OPCML: variants seen among roughly 807,000 people sequenced by gnomAD.
OPCML encodes opioid-binding protein/cell adhesion molecule.
OPCML carries 13 observed loss-of-function variants against 37.8 expected under a neutral mutation model. The observed-to-expected ratio is 0.34, with a 90% CI of 0.22 to 0.55. OPCML has a LOEUF of 0.55. OPCML is among the 20% of genes least tolerant of loss of function. OPCML has a pLI of 0.91. For synonymous variants in OPCML, 176 were observed against 168.8 expected (o/e 1.04, Z -0.33); for missense variants, 341 against 435.6 (o/e 0.78, Z 1.93).
intron 2 of OPCML, among the ~76,000 whole-genome samples, chr11:132,941,109 C>T (rs1295222018): frequency 2.6e-5 from 4 of 152,054 alleles, no homozygotes; most frequent in Non-Finnish European, 5.9e-5. Context: ...GAACAAAAAG[C>T]AACTATTCAG....
chr11:133,056,828 G>A (rs945341697), intron 1 of OPCML, among the ~76,000 whole-genome samples: 2 of 152,138 alleles, frequency 1.3e-5, no homozygotes, highest in Non-Finnish European at 2.9e-5. Flanking sequence ...GAGACATTAG[G>A]TGGCTTACTT....
chr11:133,146,666 G>T (rs1949902193), intron 1 of OPCML, among the ~76,000 whole-genome samples: 1 of 151,934 alleles, frequency 6.6e-6, no homozygotes, highest in South Asian at 2.1e-4. Flanking sequence ...CACCATGTTG[G>T]CCAGGCTGGG....
At chr11:132,873,617 G>C (rs1942895646) in intron 2 of OPCML, among the ~76,000 whole-genome samples, 1 of 151,582 alleles carries the variant, frequency 6.6e-6, no homozygotes, top group African/African-American at 2.4e-5. Flanking sequence ...CAACAGAAGA[G>C]GAGTAAAGAG....
At chr11:133,045,881 C>T (rs1299843690) in intron 1 of OPCML, among the ~76,000 whole-genome samples, 1 of 152,174 alleles carries the variant, frequency 6.6e-6, no homozygotes, top group Non-Finnish European at 1.5e-5. Context: ...ACTGTGATGG[C>T]TCAATAGTCA....
rs1942163240 is a variant in OPCML, at chr11:132,858,597, GAGGAGAACTTTGGCTCAGGTATCAGAA to G, written c.146+84302_146+84328del. 2.0e-5 allele frequency among the ~76,000 whole-genome samples: 3 copies of G among 152,284 alleles called. No homozygotes were observed. In the South Asian group the frequency reaches 6.2e-4, roughly 32 times the overall value. ...AGAGGCCCCTTTCTTCCCGGGGGGTGAGGAGAACTTTGGCTCAGGTATCAGAAATCCCATCCAAGTCCTGACTCTGGT... is the reference window on the plus strand; with the variant it reads ...AGAGGCCCCTTTCTTCCCGGGGGGTGATCCCATCCAAGTCCTGACTCTGGT... On this transcript the variant is annotated intron_variant, in intron 2 of 7. Coordinates refer to ENST00000524381, the MANE Select transcript of OPCML (RefSeq NM_001012393.5).
intron 2 of OPCML, among the ~76,000 whole-genome samples, chr11:132,927,850 GT>G (rs1945050521): frequency 6.6e-6 from 1 of 152,066 alleles, no homozygotes; most frequent in African/African-American, 2.4e-5. Context: ...CAGGAGTAGA[GT>G]TTTTGTATGT....
intron 3 of OPCML, among the ~76,000 whole-genome samples, chr11:132,556,454 C>G (rs151186353): frequency 6.6e-6 from 1 of 152,242 alleles, no homozygotes; most frequent in Non-Finnish European, 1.5e-5. Flanking sequence ...GAATTTGCCT[C>G]ATGACACAAC....
intron 1 of OPCML, among the ~76,000 whole-genome samples, chr11:133,257,673 A>T (rs189489415): frequency 2.6e-5 from 4 of 152,258 alleles, no homozygotes; most frequent in Admixed American, 1.3e-4. Flanking sequence ...GTTGCAACGT[A>T]TCTTGTCTCC....
intron 1 of OPCML, chr11:133,118,330 C>T (rs1394502474): frequency 2.0e-6 from 2 of 985,200 alleles, no homozygotes; most frequent in Non-Finnish European, 2.4e-6. Flanking sequence ...AGTTCAGGGC[C>T]CAGGCTGGTG....
chr11:133,457,046 C>T (rs1337632677), intron 1 of OPCML, among the ~76,000 whole-genome samples: 1 of 152,032 alleles, frequency 6.6e-6, no homozygotes, highest in South Asian at 2.1e-4. Flanking sequence ...CCCAAAGAGA[C>T]CAACCCCAAG....
At chr11:132,631,944 C>T (rs1402782681) in intron 3 of OPCML, among the ~76,000 whole-genome samples, 1 of 151,954 alleles carries the variant, frequency 6.6e-6, no homozygotes, top group Non-Finnish European at 1.5e-5. Context: ...ATCTGTGAGA[C>T]CCTAAGGACC....
intron 2 of OPCML, among the ~76,000 whole-genome samples, chr11:132,739,364 G>T (rs1591539620): frequency 6.6e-6 from 1 of 152,110 alleles, no homozygotes; most frequent in East Asian, 1.9e-4. Flanking sequence ...TCTTTATTTT[G>T]TCCGTATAAT....
At chr11:132,976,244 G>A (rs1289549267) in intron 1 of OPCML, among the ~76,000 whole-genome samples, 4 of 152,132 alleles carry the variant, frequency 2.6e-5, no homozygotes, top group Non-Finnish European at 4.4e-5. Context: ...CTGTTCTTAC[G>A]AAGGGTGGAC....
rs112372471 is a variant in OPCML, at chr11:133,314,713, C to G, written c.61+217551G>C. 1.7e-3 allele frequency among the ~76,000 whole-genome samples: 260 copies of G among 152,322 alleles called. 7 individuals carry two copies. In the East Asian group the frequency reaches 0.048, roughly 28 times the overall value. Reference sequence around the variant, plus strand: ...CAGCCCTCGACTCAATGGTCTCCCCCACAGAACCATCAGGCACGCCTGGCC... The same window carrying G: ...CAGCCCTCGACTCAATGGTCTCCCCGACAGAACCATCAGGCACGCCTGGCC... On this transcript the variant is annotated intron_variant, in intron 1 of 7. Transcript: ENST00000524381.
chr11:132,458,151 T>C (rs1023003533), intron 4 of OPCML, among the ~76,000 whole-genome samples: 3 of 152,094 alleles, frequency 2.0e-5, no homozygotes, highest in African/African-American at 7.2e-5. Context: ...CATGAACATG[T>C]AGGGGTGGTG....
At chr11:132,486,047 T>A (rs570570060) in intron 4 of OPCML, among the ~76,000 whole-genome samples, 2 of 152,216 alleles carry the variant, frequency 1.3e-5, no homozygotes, top group African/African-American at 4.8e-5. Flanking sequence ...TGCCTCTTTG[T>A]CAACACTTAG....
chr11:132,477,695 T>A (rs1209204843), intron 4 of OPCML, among the ~76,000 whole-genome samples: 1 of 152,216 alleles, frequency 6.6e-6, no homozygotes, highest in Admixed American at 6.5e-5. Context: ...TATGTTTTTC[T>A]GGAGTGTGTG....
At chr11:133,353,128 A>G (rs1438480323) in intron 1 of OPCML, among the ~76,000 whole-genome samples, 2 of 152,124 alleles carry the variant, frequency 1.3e-5, no homozygotes, top group Non-Finnish European at 2.9e-5. Context: ...CACCTATCCA[A>G]AGCATCCTTC....
At chr11:132,765,208 C>G (rs1383575991) in intron 2 of OPCML, among the ~76,000 whole-genome samples, 1 of 152,188 alleles carries the variant, frequency 6.6e-6, no homozygotes, top group Non-Finnish European at 1.5e-5. Flanking sequence ...GGACTTTGAC[C>G]TCATCCACAG....
Sources: gnomAD v4.1 joint callset for allele counts (sites outside exome capture counted in the v4.1 genomes callset) on GRCh38, gnomAD v4.1.1 for gene constraint, MANE v1.5 for transcripts, NCBI Gene and HGNC (gene_info 2026-07-23, HGNC 2026-07-21) for gene names.